CHRM3: variants seen among roughly 807,000 people sequenced by gnomAD.
CHRM3 encodes the protein muscarinic acetylcholine receptor M3.
Under a neutral mutation model 41.8 loss-of-function variants are expected in CHRM3, and 11 were observed. The ratio of observed to expected loss-of-function variants is 0.26; its 90% CI spans 0.17 to 0.44. The LOEUF is 0.44. CHRM3 is among the 20% of genes least tolerant of loss of function. The probability of loss-of-function intolerance (pLI) is 1.00; values close to 1 mark genes in which losing one functional copy is unlikely to be tolerated. For missense variants in CHRM3, 571 were observed against 745.4 expected (o/e 0.77, Z 2.72); for synonymous variants, 297 against 301.4 (o/e 0.99, Z 0.15).
intron 5 of CHRM3, among the ~76,000 whole-genome samples, chr1:239,796,630 C>T (rs547320127): frequency 1.2e-4 from 19 of 152,180 alleles, no homozygotes; most frequent in Non-Finnish European, 2.5e-4. Context: ...CGGAGGCATT[C>T]TCTCTGTTGT....
intron 3 of CHRM3, among the ~76,000 whole-genome samples, chr1:239,578,315 A>C (rs73120657): frequency 2.0e-5 from 3 of 152,150 alleles, no homozygotes; most frequent in Non-Finnish European, 4.4e-5. Flanking sequence ...TATACATTTC[A>C]TATTTTTACA....
Position 239,596,438 on chromosome 1 carries a change from C to G in CHRM3, c.-312-35786C>G, listed in dbSNP as rs527559947. On this transcript the variant is annotated intron_variant, in intron 3 of 6. Transcript: ENST00000676153. ...GAGGAGCAGAGTCCTAAGAGGAGAA[C>G]CAAAGAGGTGCCTCTATTATTTAAA... 3.3e-5 allele frequency among the ~76,000 whole-genome samples: 5 copies of G among 152,090 alleles called. 1 individual carries two copies. Among genetic ancestry groups the G allele is most frequent in the Non-Finnish European group, 2.9e-5 (2 of 67,988 alleles).
In CHRM3 at chr1:239,708,517, G is replaced by A. The variant is rs531395388; in HGVS notation, c.-147+30229G>A. Among the ~76,000 whole-genome samples the A allele has an allele frequency of 5.9e-5, 9 of 152,074 alleles. No homozygotes were observed. The East Asian group carries it at 9.7e-4, about 16-fold the overall frequency. ...GGGGTGGATTTCCTAACTATCCTAC[G>A]TAAAAGAACATCTCAGCACCTCCAC... On this transcript the variant is annotated intron_variant, in intron 5 of 6. Transcript: ENST00000676153.
chr1:239,540,498 A>C (rs2148386314), intron 2 of CHRM3, among the ~76,000 whole-genome samples: 1 of 152,306 alleles, frequency 6.6e-6, no homozygotes, highest in South Asian at 2.1e-4. Context: ...CACCAGAAGA[A>C]ATTAGATTTC....
intron 6 of CHRM3, among the ~76,000 whole-genome samples, chr1:239,846,176 C>T (rs926046755): frequency 3.3e-5 from 5 of 151,760 alleles, no homozygotes; most frequent in Admixed American, 1.3e-4. Context: ...GCTTTGTTTC[C>T]GTGTGAATTT....
chr1:239,766,061 G>C (rs952779979), intron 5 of CHRM3, among the ~76,000 whole-genome samples: 5 of 152,008 alleles, frequency 3.3e-5, no homozygotes, highest in African/African-American at 1.2e-4. Context: ...TGATCCACCC[G>C]CCTTGGTCTC....
rs758305467 is a variant in CHRM3, at chr1:239,684,607, T to C, written c.-147+6319T>C. On this transcript the variant is annotated intron_variant, in intron 5 of 6. Transcript: ENST00000676153. ...CAGAGGTTGCAGTGAGCTGAGATCA[T>C]GCCACTGCACTACAGCCTGGGCAAC... 2.1e-5 allele frequency among the ~76,000 whole-genome samples: 3 copies of C among 146,052 alleles called. No individual in the cohort carries two copies. In the Admixed American group the frequency reaches 2.1e-4, roughly 10 times the overall value.
chr1:239,914,021 T>C lies in CHRM3; in HGVS notation c.*4797T>C, dbSNP rs1196572824. 2 of 167,002 alleles carry C rather than the reference T, an allele frequency of 1.2e-5. No individual in the cohort carries two copies. The highest frequency in any genetic ancestry group is 4.8e-5 in the African/African-American group (2 of 41,444). 10.3% of individuals were successfully genotyped at this position (167,002 alleles called of 1,614,324 possible). A position where few individuals can be genotyped will look rare whatever the true frequency, so the allele number is the denominator to read the frequency against. ...CAAAGGGGCTCACATCTCAGTTGCATTCTATTTAAAAGATAAAGGGGCCAT... is the reference window on the plus strand; with the variant it reads ...CAAAGGGGCTCACATCTCAGTTGCACTCTATTTAAAAGATAAAGGGGCCAT... On this transcript the variant is annotated 3_prime_UTR_variant, in exon 7 of 7. Transcript: ENST00000676153.
intron 1 of CHRM3, among the ~76,000 whole-genome samples, chr1:239,438,554 T>G (rs1216818576): frequency 6.6e-6 from 1 of 152,228 alleles, no homozygotes; most frequent in Non-Finnish European, 1.5e-5. Flanking sequence ...GATCTCCTTC[T>G]TGTAGATTAT....
intron 5 of CHRM3, among the ~76,000 whole-genome samples, chr1:239,813,959 A>G (rs909190632): frequency 1.8e-4 from 27 of 149,540 alleles, no homozygotes; most frequent in Admixed American, 3.3e-4. Flanking sequence ...CTGCCTTCCT[A>G]TTGATGAAGC....
intron 3 of CHRM3, among the ~76,000 whole-genome samples, chr1:239,618,582 C>A (rs369375663): frequency 1.1e-4 from 16 of 151,828 alleles, no homozygotes; most frequent in Admixed American, 2.6e-4. Context: ...CGGTGGCTCA[C>A]GCCTGTAATC....
chr1:239,837,801 A>T lies in CHRM3; in HGVS notation c.-20+10423A>T, dbSNP rs1469662547. 2.0e-5 allele frequency among the ~76,000 whole-genome samples: 3 copies of T among 152,252 alleles called. No individual in the cohort carries two copies. In the East Asian group the frequency reaches 5.8e-4, roughly 29 times the overall value. On this transcript the variant is annotated intron_variant, in intron 6 of 6. Coordinates refer to ENST00000676153, the MANE Select transcript of CHRM3 (RefSeq NM_001375978.1). ...TGATATTCTCCTATCTTAACCACTG[A>T]GTATAGTTTCTCTCATCCATTCATT...
chr1:239,768,187 A>T (rs1477082826), intron 5 of CHRM3, among the ~76,000 whole-genome samples: 1 of 152,222 alleles, frequency 6.6e-6, no homozygotes, highest in Non-Finnish European at 1.5e-5. Flanking sequence ...CCAAAAAGAG[A>T]ATAGAGTATG....
chr1:239,715,716 T>G (rs1296201581), intron 5 of CHRM3, among the ~76,000 whole-genome samples: 4 of 152,094 alleles, frequency 2.6e-5, no homozygotes, highest in African/African-American at 9.7e-5. Flanking sequence ...ATATCTCTTC[T>G]AATGAGTTGG....
At chr1:239,713,026 A>T (rs1408957769) in intron 5 of CHRM3, among the ~76,000 whole-genome samples, 3 of 151,954 alleles carry the variant, frequency 2.0e-5, no homozygotes, top group Admixed American at 2.0e-4. Context: ...GCGCCTAAAA[A>T]GGAAGTCCAC....
chr1:239,743,777 C>CT (rs992688177), intron 5 of CHRM3, among the ~76,000 whole-genome samples: 41 of 122,492 alleles, frequency 3.3e-4, no homozygotes, highest in Admixed American at 8.3e-4. Context: ...TTTTCTTTTT[C>CT]TTTTTTTTTT....
chr1:239,502,705 A>G (rs1668316444), intron 2 of CHRM3, among the ~76,000 whole-genome samples: 1 of 152,210 alleles, frequency 6.6e-6, no homozygotes, highest in South Asian at 2.1e-4. Flanking sequence ...AGCTAACCAA[A>G]TCCAATAGCA....
At chr1:239,605,636 A>G (rs1048043614) in intron 3 of CHRM3, among the ~76,000 whole-genome samples, 7 of 152,214 alleles carry the variant, frequency 4.6e-5, no homozygotes, top group African/African-American at 1.2e-4. Context: ...AATTTGTCCC[A>G]TTAGAATTAC....
rs886448373 is a variant in CHRM3 at position 239,907,278 on chromosome 1, C to T, written c.-19-155C>T. Among the ~76,000 whole-genome samples, 1 of 152,190 alleles carries T rather than the reference C, an allele frequency of 6.6e-6. No individual in the cohort carries two copies. Among genetic ancestry groups the T allele is most frequent in the Non-Finnish European group, 1.5e-5 (1 of 68,036 alleles). On this transcript the variant is annotated intron_variant, in intron 6 of 6. Transcript: ENST00000676153. The surrounding 1 kb of genome is among the most constrained non-coding windows in gnomAD (Gnocchi z 5.4). ...CGATGTCTGTCTGCCCTAGACTCCACTTATTTAAAATAAGAGAATGAACTT... is the reference window on the plus strand; with the variant it reads ...CGATGTCTGTCTGCCCTAGACTCCATTTATTTAAAATAAGAGAATGAACTT...
Sources: allele counts gnomAD v4.1 joint callset (sites outside exome capture counted in the v4.1 genomes callset), GRCh38; gene constraint gnomAD v4.1.1; non-coding constraint Gnocchi (gnomAD v3.1); transcripts MANE v1.5; gene names NCBI Gene and HGNC (gene_info 2026-07-23, HGNC 2026-07-21).